The following PTPRT variants were observed in gnomAD, a reference collection of about 807,000 sequenced individuals.
PTPRT encodes the protein receptor-type tyrosine-protein phosphatase T.
In PTPRT, 56 loss-of-function variants were observed where a neutral mutation model predicts 176.8. The observed-to-expected ratio is 0.32, with a 90% CI of 0.26 to 0.40. PTPRT has a LOEUF of 0.40. Ranked by LOEUF, PTPRT falls within the 10% of genes least tolerant of loss-of-function variation. The pLI, the probability that PTPRT is intolerant of heterozygous loss-of-function variation, is 1.00. For synonymous variants in PTPRT, 783 were observed against 739.0 expected (o/e 1.06, Z -0.96); for missense variants, 1,540 against 1,908.2 (o/e 0.81, Z 3.60).
At chr20:42,193,642 G>T (rs1455800080) in intron 16 of PTPRT, among the ~76,000 whole-genome samples, 2 of 152,164 alleles carry the variant, frequency 1.3e-5, no homozygotes, top group East Asian at 3.8e-4. Context: ...GGTTCCTTGG[G>T]AGCTTCAGAG....
At chr20:42,238,029 G>C (rs1166920669) in intron 14 of PTPRT, among the ~76,000 whole-genome samples, 2 of 152,172 alleles carry the variant, frequency 1.3e-5, no homozygotes, top group African/African-American at 4.8e-5. Flanking sequence ...AAACTCCCAA[G>C]ATGGGGCTAT....
intron 7 of PTPRT, among the ~76,000 whole-genome samples, chr20:42,649,217 G>A (rs2074982903): frequency 2.0e-5 from 3 of 152,062 alleles, no homozygotes; most frequent in Admixed American, 1.3e-4. Flanking sequence ...TTACATGGAT[G>A]GCGACAGGCA....
the PTPRT span, among the ~76,000 whole-genome samples, chr20:42,034,219 C>T: frequency 5.1e-3 from 781 of 152,252 alleles, 5 homozygotes; most frequent in African/African-American, 0.014. Context: ...GATCCACTTC[C>T]AAGCTCACGT....
chr20:42,229,816 G>A (rs529940278), intron 15 of PTPRT, among the ~76,000 whole-genome samples: 1 of 152,276 alleles, frequency 6.6e-6, no homozygotes, highest in South Asian at 2.1e-4. Context: ...ACAGAAGCAA[G>A]GAAGTTACAA....
intron 1 of PTPRT, among the ~76,000 whole-genome samples, chr20:42,958,090 CAT>C (rs1431837664): frequency 1.4e-5 from 2 of 144,548 alleles, no homozygotes; most frequent in Non-Finnish European, 3.0e-5. Flanking sequence ...ATGCAAATGA[CAT>C]AGCATGCTTG....
chr20:42,177,902 C>T (rs1332850928), intron 16 of PTPRT, among the ~76,000 whole-genome samples: 2 of 148,126 alleles, frequency 1.4e-5, no homozygotes, highest in African/African-American at 5.0e-5. Context: ...TCTTTCCTTT[C>T]TCTCTCTCTT....
intron 15 of PTPRT, among the ~76,000 whole-genome samples, chr20:42,229,175 A>G (rs2056082888): frequency 6.6e-6 from 1 of 152,210 alleles, no homozygotes; most frequent in Admixed American, 6.5e-5. Flanking sequence ...AGCAGGAAAA[A>G]TAAGAATCTG....
intron 1 of PTPRT, among the ~76,000 whole-genome samples, chr20:43,001,897 AAAC>A (rs1443910415): frequency 5.3e-5 from 8 of 152,090 alleles, no homozygotes; most frequent in Non-Finnish European, 8.8e-5. Flanking sequence ...CAAACAAAAA[AAAC>A]CACCATTGAA....
chr20:42,256,756 G>A (rs1426857770), intron 13 of PTPRT, among the ~76,000 whole-genome samples: 1 of 152,124 alleles, frequency 6.6e-6, no homozygotes, highest in Non-Finnish European at 1.5e-5. Flanking sequence ...GACAATGCTG[G>A]GGAAACTCAG....
At chr20:42,924,243 A>T (rs542249120) in intron 1 of PTPRT, among the ~76,000 whole-genome samples, 1 of 149,242 alleles carries the variant, frequency 6.7e-6, no homozygotes. Context: ...CCTTCCATTT[A>T]AAAAAAAAAT....
At chr20:43,060,765 C>A (rs1300258974) in intron 1 of PTPRT, among the ~76,000 whole-genome samples, 1 of 152,170 alleles carries the variant, frequency 6.6e-6, no homozygotes, top group African/African-American at 2.4e-5. Flanking sequence ...ATGTTGCACA[C>A]TGTAGGACCA....
At chr20:42,057,836 C>A in the PTPRT span, among the ~76,000 whole-genome samples, 1 of 152,148 alleles carries the variant, frequency 6.6e-6, no homozygotes. Context: ...ACCTTGGCCT[C>A]CCCCTGTGCT....
intron 1 of PTPRT, among the ~76,000 whole-genome samples, chr20:42,971,754 C>T (rs889081587): frequency 3.9e-5 from 6 of 152,112 alleles, no homozygotes; most frequent in Non-Finnish European, 5.9e-5. Flanking sequence ...GACTTAGACC[C>T]GAGGTAACTT....
chr20:43,024,297 A>G (rs1985824631), intron 1 of PTPRT, among the ~76,000 whole-genome samples: 1 of 152,168 alleles, frequency 6.6e-6, no homozygotes, highest in African/African-American at 2.4e-5. Context: ...GCAGAATTAG[A>G]ATTTAATATT....
intron 4 of PTPRT, among the ~76,000 whole-genome samples, chr20:42,778,146 T>G (rs2077163599): frequency 1.3e-5 from 2 of 152,154 alleles, no homozygotes; most frequent in Non-Finnish European, 2.9e-5. Context: ...AACGAGAATT[T>G]CAAAAGGATT....
chr20:42,641,243 T>C (rs1023244297), intron 7 of PTPRT, among the ~76,000 whole-genome samples: 13 of 152,158 alleles, frequency 8.5e-5, no homozygotes, highest in African/African-American at 3.1e-4. Flanking sequence ...ACATTTCCTA[T>C]TCCTTCCAAA....
At chr20:42,305,627 ATGTG>A (rs368441652) in intron 12 of PTPRT, among the ~76,000 whole-genome samples, 1 of 151,474 alleles carries the variant, frequency 6.6e-6, no homozygotes, top group Admixed American at 6.6e-5. Context: ...GTGTGCGTGT[ATGTG>A]TGTGTGTGTG....
the PTPRT span, among the ~76,000 whole-genome samples, chr20:42,047,943 A>C: frequency 6.6e-6 from 1 of 152,106 alleles, no homozygotes; most frequent in Non-Finnish European, 1.5e-5. Context: ...GCTCTGGAAA[A>C]TATGGAGTGG....
At chr20:42,133,880 C>T (rs184486741) in intron 18 of PTPRT, among the ~76,000 whole-genome samples, 1 of 152,280 alleles carries the variant, frequency 6.6e-6, no homozygotes. Flanking sequence ...TGGTACACAG[C>T]AGGTGCTTAA....
Sources: allele counts gnomAD v4.1 joint callset (sites outside exome capture counted in the v4.1 genomes callset), GRCh38; gene constraint gnomAD v4.1.1; transcripts MANE v1.5; gene names NCBI Gene and HGNC (gene_info 2026-07-23, HGNC 2026-07-21).